QTMAN: variants seen among roughly 807,000 people sequenced by gnomAD.
The protein encoded by QTMAN is queuosine-tRNA mannosyltransferase.
At chr2:144,145,742 A>G in the QTMAN span, 297 of 1,605,962 alleles carry the variant, frequency 1.8e-4, no homozygotes, top group Non-Finnish European at 2.4e-4. Context: ...AGAGGGTCCT[A>G]GGAAACAAGA....
the QTMAN span, chr2:143,970,640 T>C: frequency 2.3e-6 from 3 of 1,331,038 alleles, no homozygotes; most frequent in Admixed American, 5.0e-5. Flanking sequence ...ATTAGAAAAT[T>C]CAACAGAGGT....
At chr2:144,279,895 A>G in the QTMAN span, among the ~76,000 whole-genome samples, 1 of 152,184 alleles carries the variant, frequency 6.6e-6, no homozygotes, top group Admixed American at 6.5e-5. Flanking sequence ...GTAGACATTT[A>G]CAACTATCAG....
At chr2:144,181,327 G>A in the QTMAN span, among the ~76,000 whole-genome samples, 1 of 152,098 alleles carries the variant, frequency 6.6e-6, no homozygotes, top group African/African-American at 2.4e-5. Flanking sequence ...TTTCCCCCAC[G>A]GGATTAAGCA....
At chr2:144,285,784 T>G in the QTMAN span, among the ~76,000 whole-genome samples, 1 of 152,154 alleles carries the variant, frequency 6.6e-6, no homozygotes, top group Non-Finnish European at 1.5e-5. Context: ...GAAAACTGAA[T>G]CAATCTGAGG....
chr2:144,148,771 CAT>C, the QTMAN span, among the ~76,000 whole-genome samples: 1 of 151,972 alleles, frequency 6.6e-6, no homozygotes, highest in East Asian at 1.9e-4. Context: ...GCAATATATT[CAT>C]ATGAGAAACA....
the QTMAN span, among the ~76,000 whole-genome samples, chr2:144,170,297 C>A: frequency 6.6e-6 from 1 of 152,280 alleles, no homozygotes; most frequent in African/African-American, 2.4e-5. Context: ...AGTTAGCCTG[C>A]CACAGTGTCC....
At chr2:144,102,824 T>C in the QTMAN span, among the ~76,000 whole-genome samples, 1 of 152,192 alleles carries the variant, frequency 6.6e-6, no homozygotes, top group Non-Finnish European at 1.5e-5. Context: ...AATTAAGCAG[T>C]AGAATCCTTT....
the QTMAN span, among the ~76,000 whole-genome samples, chr2:144,273,394 GGGT>G: frequency 6.6e-6 from 1 of 152,090 alleles, no homozygotes; most frequent in African/African-American, 2.4e-5. Context: ...TGTACAAAAG[GGGT>G]ATGACAATTC....
chr2:144,109,081 C>T, the QTMAN span, among the ~76,000 whole-genome samples: 1 of 151,364 alleles, frequency 6.6e-6, no homozygotes, highest in African/African-American at 2.4e-5. Flanking sequence ...TCGTATGGAA[C>T]CAAAAGACAA....
chr2:144,121,468 A>C, the QTMAN span, among the ~76,000 whole-genome samples: 1 of 152,164 alleles, frequency 6.6e-6, no homozygotes, highest in African/African-American at 2.4e-5. Context: ...GAACACATTC[A>C]GTATGTCTGC....
At chr2:144,206,029 A>C in the QTMAN span, among the ~76,000 whole-genome samples, 1 of 152,232 alleles carries the variant, frequency 6.6e-6, no homozygotes, top group South Asian at 2.1e-4. Flanking sequence ...TTTAGTTGTC[A>C]AGATAAAGCA....
the QTMAN span, among the ~76,000 whole-genome samples, chr2:144,243,504 A>G: frequency 1.3e-5 from 2 of 152,228 alleles, no homozygotes; most frequent in Admixed American, 1.3e-4. Flanking sequence ...ATAATTTAAG[A>G]AACAGTAATG....
chr2:144,036,382 AAAG>A, the QTMAN span, among the ~76,000 whole-genome samples: 2 of 152,204 alleles, frequency 1.3e-5, no homozygotes, highest in African/African-American at 2.4e-5. Context: ...TTAATTGACA[AAAG>A]AATATATTTA....
chr2:144,023,244 T>C, the QTMAN span, among the ~76,000 whole-genome samples: 3 of 152,274 alleles, frequency 2.0e-5, no homozygotes, highest in East Asian at 1.9e-4. Flanking sequence ...GGAAGAGCTA[T>C]TGATGCACCA....
At chr2:144,046,794 C>T in the QTMAN span, among the ~76,000 whole-genome samples, 1 of 152,034 alleles carries the variant, frequency 6.6e-6, no homozygotes, top group South Asian at 2.1e-4. Flanking sequence ...ACATAATTTC[C>T]AGCATTATTT....
At chr2:144,083,586 T>C in the QTMAN span, among the ~76,000 whole-genome samples, 1 of 152,322 alleles carries the variant, frequency 6.6e-6, no homozygotes, top group South Asian at 2.1e-4. Context: ...TGAAGAAATA[T>C]TACTGGAGGA....
the QTMAN span, chr2:144,177,043 A>C: frequency 3.0e-6 from 2 of 665,260 alleles, no homozygotes; most frequent in Non-Finnish European, 5.4e-6. Flanking sequence ...AGACACTTTA[A>C]AACAGCCAGA....
At chr2:144,225,075 C>T in the QTMAN span, among the ~76,000 whole-genome samples, 1 of 152,198 alleles carries the variant, frequency 6.6e-6, no homozygotes, top group Non-Finnish European at 1.5e-5. Context: ...TTCTAGAATT[C>T]AAGCTAAAAT....
chr2:144,162,965 G>C, the QTMAN span, among the ~76,000 whole-genome samples: 2 of 152,274 alleles, frequency 1.3e-5, no homozygotes, highest in African/African-American at 4.8e-5. Flanking sequence ...GCAGTAAATA[G>C]AATAACACAA....
Sources: allele counts gnomAD v4.1 joint callset (sites outside exome capture counted in the v4.1 genomes callset), GRCh38; gene constraint gnomAD v4.1.1; transcripts MANE v1.5; gene names NCBI Gene and HGNC (gene_info 2026-07-23, HGNC 2026-07-21).